The following NOD2 variants were observed in gnomAD, a reference collection of about 807,000 sequenced individuals.
The protein encoded by NOD2 is nucleotide binding oligomerization domain containing 2.
Under a neutral mutation model 90.9 loss-of-function variants are expected in NOD2, and 86 were observed. The observed-to-expected ratio is 0.95, with a 90% CI of 0.79 to 1.13. The LOEUF (loss-of-function observed/expected upper bound fraction) is 1.13, where lower values mean the gene tolerates loss of function less well. NOD2 is among the 50% of genes most tolerant of loss of function. The pLI is 0.00. For synonymous variants in NOD2, 581 were observed against 554.6 expected (o/e 1.05, Z -0.67); for missense variants, 1,238 against 1,283.8 (o/e 0.96, Z 0.55).
At chr16:50,722,319 C>T (rs917193126) in intron 7 of NOD2, among the ~76,000 whole-genome samples, 1 of 152,246 alleles carries the variant, frequency 6.6e-6, no homozygotes, top group African/African-American at 2.4e-5. Context: ...AGTGTCACAA[C>T]TGTAAATTAC....
rs1963568588 is a variant in NOD2 at position 50,694,808 on chromosome 16, C to G, written c.-9+1146C>G. Among the ~76,000 whole-genome samples, 3 of 152,152 alleles carry G rather than the reference C, an allele frequency of 2.0e-5. 1 individual carries two copies. In the South Asian group the frequency reaches 6.2e-4, roughly 31 times the overall value. ...GGAAAATCAGACAAAACCCCCTGCCCTCATGGAGTGCACACTCTAGAAAGG... is the reference window on the plus strand; with the variant it reads ...GGAAAATCAGACAAAACCCCCTGCCGTCATGGAGTGCACACTCTAGAAAGG... On this transcript the variant is annotated intron_variant, in intron 1 of 11. Coordinates refer to ENST00000647318, the MANE Select transcript of NOD2 (RefSeq NM_001370466.1).
intron 1 of NOD2, among the ~76,000 whole-genome samples, chr16:50,695,161 G>C (rs75419932): frequency 5.3e-4 from 81 of 152,024 alleles, no homozygotes; most frequent in African/African-American, 9.4e-4. Flanking sequence ...TGGATCATGG[G>C]GGGGGTGGGG....
intron 9 of NOD2, 56 bp downstream of exon 9, chr16:50,723,440 C>T: frequency 6.7e-7 from 1 of 1,489,930 alleles, no homozygotes; most frequent in Non-Finnish European, 9.4e-7. Context: ...CTGTTGATCC[C>T]CTGGCCTCAT....
chr16:50,727,178 A>T (rs1026200381), intron 10 of NOD2, among the ~76,000 whole-genome samples: 4 of 151,996 alleles, frequency 2.6e-5, no homozygotes, highest in African/African-American at 7.2e-5. Flanking sequence ...TAATAATTTA[A>T]AAAAAAGAGT....
Position 50,732,033 on chromosome 16 carries a change from T to A in NOD2, c.*214T>A, listed in dbSNP as rs199475926. On this transcript the variant is annotated 3_prime_UTR_variant, in exon 12 of 12. Coordinates refer to ENST00000647318, the MANE Select transcript of NOD2 (RefSeq NM_001370466.1). ...GGATAGACTTTTCCCAAGCCTACTT[T>A]TGCCATTGACTTCTTCCCAAGATTC... 13 of 582,702 alleles carry A rather than the reference T, an allele frequency of 2.2e-5. No individual in the cohort carries two copies. Among genetic ancestry groups the A allele is most frequent in the Non-Finnish European group, 4.1e-5 (13 of 320,146 alleles). The allele number at this position is 582,702 out of a possible 1,614,324, so 36.1% of individuals were successfully genotyped here.
At position 50,731,833 on chromosome 16, in the gene NOD2, A is replaced by T; in HGVS notation, c.*14A>T. On this transcript the variant is annotated 3_prime_UTR_variant, in exon 12 of 12. Transcript: ENST00000647318. Reference sequence around the variant, plus strand: ...CTCTTGCTTTGAAGTCTCCGGGAGGATGTTCGTCTCAGTTTGTTTGTGAGC... The same window carrying T: ...CTCTTGCTTTGAAGTCTCCGGGAGGTTGTTCGTCTCAGTTTGTTTGTGAGC... The T allele has an allele frequency of 1.9e-6, 3 of 1,606,592 alleles. No homozygotes were observed. The South Asian group carries it at 3.3e-5, about 18-fold the overall frequency.
rs1234234079 is a variant in NOD2, at chr16:50,732,652, C to A, written c.*833C>A. ...GCTCGACTTTAAAAAGCTCCAAATG[C>A]AGCTTTAAAAAATTAATCTGGGCCA... On this transcript the variant is annotated 3_prime_UTR_variant, in exon 12 of 12. Transcript: ENST00000647318. The A allele has an allele frequency of 2.6e-5, 4 of 152,342 alleles. No homozygotes were observed. Among genetic ancestry groups the A allele is most frequent in the Admixed American group, 2.6e-4 (4 of 15,286 alleles). 9.4% of individuals were successfully genotyped at this position (152,342 alleles called of 1,614,324 possible).
rs139663808 is a variant in NOD2, at chr16:50,711,512, G to T, written c.1520G>T (p.Gly507Val). The T allele has an allele frequency of 1.2e-5, 20 of 1,613,164 alleles. No individual in the cohort carries two copies. In the South Asian group the frequency reaches 1.5e-4, roughly 12 times the overall value. ...ACCCCCCCAGACTCAGCTTCCCAAG[G>T]TCTGGGACCCAGTCTTCTTCGGGGC... ...HATPPDSASQ[G>V]LGPSLLRGRL... The change falls in exon 4 of 12, where the codon GGT becomes GTT. Residue 507 changes from glycine (G) to valine (V), a missense_variant. By Grantham distance (109) the Gly-to-Val change is moderately radical. Transcript: ENST00000647318.
chr16:50,710,623 A>G lies in NOD2; in HGVS notation c.631A>G (p.Ser211Gly), dbSNP rs1001861018. Residue 211 changes from serine to glycine, a missense_variant, in exon 4 of 12, where the codon AGT (serine) becomes GGT (glycine). Around this residue, in one of 3 missense-constraint regions of NOD2, gnomAD observed 567 missense variants for 577.3 expected, o/e 0.98. Coordinates refer to ENST00000647318, the MANE Select transcript of NOD2 (RefSeq NM_001370466.1). ...TTVSAQSRFL[S>G]TYDGAETLCL... ...GGTGTCTGCTCAGTCTCGCTTCCTC[A>G]GTACCTATGATGGAGCAGAGACGCT... 5 of 1,614,076 alleles carry G rather than the reference A, an allele frequency of 3.1e-6. No individual in the cohort carries two copies. In the African/African-American group the frequency reaches 6.7e-5, roughly 22 times the overall value.
chr16:50,699,022 G>C (rs967816010), intron 1 of NOD2, among the ~76,000 whole-genome samples: 2 of 151,660 alleles, frequency 1.3e-5, no homozygotes, highest in Admixed American at 6.6e-5. Flanking sequence ...CTGCCTCCCG[G>C]GTTCAAGTGA....
At chr16:50,708,315 A>T (rs994187939) in intron 3 of NOD2, among the ~76,000 whole-genome samples, 2 of 152,130 alleles carry the variant, frequency 1.3e-5, no homozygotes, top group Non-Finnish European at 1.5e-5. Context: ...GTATCTCTTG[A>T]TCTCTGAAAT....
In NOD2 at chr16:50,701,175, G is replaced by A. The variant is rs1963923449; in HGVS notation, c.459+1221G>A. ...TATTCATCCATCATTCATTTATTCA[G>A]CCAGAATCTATTAGGTGCTTCATAC... On this transcript the variant is annotated intron_variant, in intron 2 of 11. Coordinates refer to ENST00000647318, the MANE Select transcript of NOD2 (RefSeq NM_001370466.1). Among the ~76,000 whole-genome samples, 4 of 152,180 alleles carry A rather than the reference G, an allele frequency of 2.6e-5. No homozygotes were observed. The South Asian group carries it at 8.3e-4, about 32-fold the overall frequency.
Position 50,712,259 on chromosome 16 carries a change from C to G in NOD2, c.2267C>G (p.Ala756Gly). The change falls in exon 4 of 12, where the codon GCC becomes GGC. Residue 756 changes from alanine (A) to glycine (G), a missense_variant. Ala to Gly is a moderately conservative substitution (Grantham distance 60). Coordinates refer to ENST00000647318, the MANE Select transcript of NOD2 (RefSeq NM_001370466.1). ...SVGPTECAALAFVLQHLRRPV... is the reference protein window; with the variant it reads ...SVGPTECAALGFVLQHLRRPV... ...GGCCCCACTGAGTGTGCTGCCCTGG[C>G]CTTTGTGCTGCAGCACCTCCGGCGG... The G allele has an allele frequency of 2.5e-6, 4 of 1,613,976 alleles. No homozygotes were observed. The African/African-American group carries it at 4.0e-5, about 16-fold the overall frequency.
chr16:50,716,242 C>T (rs887066747), intron 4 of NOD2, among the ~76,000 whole-genome samples: 40 of 152,248 alleles, frequency 2.6e-4, no homozygotes, highest in African/African-American at 8.7e-4. Context: ...CAGCTCCTTT[C>T]CACCATCATC....
intron 4 of NOD2, among the ~76,000 whole-genome samples, chr16:50,716,216 C>T (rs539967215): frequency 5.9e-5 from 9 of 152,368 alleles, no homozygotes; most frequent in African/African-American, 2.2e-4. Flanking sequence ...GTTCAGGCTG[C>T]ACCTTTCGCA....
chr16:50,712,091 C>A lies in NOD2; in HGVS notation c.2099C>A (p.Pro700Gln). 6.2e-7 allele frequency: 1 copy of A among 1,613,848 alleles called. No homozygotes were observed. Among genetic ancestry groups the A allele is most frequent in the Non-Finnish European group, 8.5e-7 (1 of 1,180,008 alleles). ...KHFHSIPPAA[P>Q]GEAKSVHAMP... is the part of the protein sequence containing the mutation. ...TTCCACTCCATCCCGCCAGCTGCAC[C>A]GGGTGAGGCCAAGAGCGTGCATGCC... Residue 700 changes from proline (P) to glutamine (Q), a missense_variant, in exon 4 of 12, where the codon CCG (proline) becomes CAG (glutamine). Physicochemically the swap from Pro to Gln is moderately conservative, Grantham distance 76. Coordinates refer to ENST00000647318, the MANE Select transcript of NOD2 (RefSeq NM_001370466.1).
rs886040969 is a variant in NOD2, at chr16:50,712,357, G to A, written c.2365G>A (p.Val789Ile). ...GGAGCAGCTGCTGCCTTGCCTTGGT[G>A]TCTGCAAGGCTCTGTAGTGAGTGTT... ...GVEQLLPCLG[V>I]CKALYLRDNN... The change falls in exon 4 of 12, where the codon GTC becomes ATC. Residue 789 changes from valine to isoleucine, a missense_variant. This residue lies in a region of NOD2 where 667 missense variants were observed against 688.7 expected (regional missense o/e 0.97). Transcript: ENST00000647318. 2.5e-6 allele frequency: 4 copies of A among 1,613,892 alleles called. No individual in the cohort carries two copies. The highest frequency in any genetic ancestry group is 3.4e-6 in the Non-Finnish European group (4 of 1,180,036).
chr16:50,716,412 C>T (rs1360812205), intron 4 of NOD2, among the ~76,000 whole-genome samples, 175 bp from the exon 5 acceptor site: 1 of 152,118 alleles, frequency 6.6e-6, no homozygotes, highest in Admixed American at 6.5e-5. Context: ...ACGTCACCTC[C>T]CTGGCCAGGG....
intron 6 of NOD2, 34 bp downstream of exon 6, chr16:50,717,008 A>AT: frequency 6.2e-7 from 1 of 1,601,664 alleles, no homozygotes; most frequent in South Asian, 1.1e-5. Flanking sequence ...CCTGGAAACT[A>AT]TTTTTTGCCC....
Sources: allele counts gnomAD v4.1 joint callset (sites outside exome capture counted in the v4.1 genomes callset), GRCh38; gene constraint gnomAD v4.1.1; regional missense constraint gnomAD v4.1.1; transcripts MANE v1.5; gene names NCBI Gene and HGNC (gene_info 2026-07-23, HGNC 2026-07-21).